NRXN1: variants seen among roughly 807,000 people sequenced by gnomAD.
The protein encoded by NRXN1 is neurexin 1, also known as neurexin-1.
A neutral mutation model predicts 150.9 loss-of-function variants in NRXN1; 39 were observed. The ratio of observed to expected loss-of-function variants is 0.26; its 90% CI spans 0.20 to 0.34. The LOEUF (loss-of-function observed/expected upper bound fraction) is 0.34, where lower values mean the gene tolerates loss of function less well. NRXN1 is among the 10% of genes least tolerant of loss of function. NRXN1 has a pLI of 1.00. For synonymous variants in NRXN1, 924 were observed against 757.0 expected (o/e 1.22, Z -3.62); for missense variants, 1,815 against 1,949.9 (o/e 0.93, Z 1.30).
chr2:51,013,747 T>C (rs1221083158), intron 2 of NRXN1, among the ~76,000 whole-genome samples: 12 of 152,078 alleles, frequency 7.9e-5, no homozygotes, highest in Non-Finnish European at 1.6e-4. Context: ...TTCTCACATT[T>C]ATACTAGAAT....
rs35018952 is a variant in NRXN1 at position 50,447,740 on chromosome 2, TA to T, written c.3364+17701del. Among the ~76,000 whole-genome samples, 528 of 81,130 alleles carry T rather than the reference TA, an allele frequency of 6.5e-3. 94 individuals carry two copies. The highest frequency in any genetic ancestry group is 0.027 in the African/African-American group (457 of 16,904). The allele number at this position is 81,130 out of a possible 152,430, so 53.2% of individuals were successfully genotyped here. A position where few individuals can be genotyped will look rare whatever the true frequency, so the allele number is the denominator to read the frequency against. The stretch of plus-strand genomic sequence containing the variant: ...TCACATAGTAAGCAGGGGAACGTTA[TA>T]TATATATATATATATATATATATAT... On this transcript the variant is annotated intron_variant, in intron 17 of 22. Coordinates refer to ENST00000401669, the MANE Select transcript of NRXN1 (RefSeq NM_001330078.2).
At chr2:50,555,618 T>A (rs1334045200) in intron 8 of NRXN1, among the ~76,000 whole-genome samples, 3 of 152,200 alleles carry the variant, frequency 2.0e-5, no homozygotes, top group Non-Finnish European at 4.4e-5. Flanking sequence ...ACAGAGTAGA[T>A]GCTCAATAAA....
chr2:50,614,660 A>ATAT (rs1559021987), intron 8 of NRXN1, among the ~76,000 whole-genome samples: 3 of 142,600 alleles, frequency 2.1e-5, no homozygotes, highest in African/African-American at 7.7e-5. Context: ...TATATATATA[A>ATAT]AATAAAAAAA....
intron 17 of NRXN1, among the ~76,000 whole-genome samples, chr2:50,458,576 T>C (rs968908520): frequency 2.4e-5 from 3 of 126,422 alleles, no homozygotes; most frequent in African/African-American, 9.7e-5. Flanking sequence ...CTATCATGTA[T>C]TCATAATTTT....
At position 49,918,841 on chromosome 2, in the gene NRXN1, T is replaced by A. The variant is rs186513937; in HGVS notation, c.*3103A>T. ...AGCACGAAATGGTGCCGCATATAAT[T>A]TTTAAAATCAATAAATCACAGTTGT... On this transcript the variant is annotated 3_prime_UTR_variant, in exon 23 of 23. Transcript: ENST00000401669. The A allele has an allele frequency of 5.6e-4, 85 of 152,232 alleles. No homozygotes were observed. Among genetic ancestry groups the A allele is most frequent in the African/African-American group, 2.0e-3 (83 of 41,570 alleles). The allele number at this position is 152,232 out of a possible 1,614,324, so 9.4% of individuals were successfully genotyped here.
At chr2:50,344,153 C>A (rs1242141776) in intron 17 of NRXN1, among the ~76,000 whole-genome samples, 2 of 152,110 alleles carry the variant, frequency 1.3e-5, no homozygotes, top group African/African-American at 4.8e-5. Context: ...TATTAGGTTT[C>A]TCTTTAAGCC....
Position 50,465,525 on chromosome 2 carries a change from T to C in NRXN1, c.3281A>G (p.Asn1094Ser), listed in dbSNP as rs201963074. 28 of 1,610,660 alleles carry C rather than the reference T, an allele frequency of 1.7e-5. No individual in the cohort carries two copies. Among genetic ancestry groups the C allele is most frequent in the African/African-American group, 1.1e-4 (8 of 74,718 alleles). ...STTCQEDSCSNQGVCLQQWDG... is the reference protein window; with the variant it reads ...STTCQEDSCSSQGVCLQQWDG... ...CCATTGTTGCAAGCACACACCTTGA[T>C]TGGAACATGAGTCCTCTTGGCAGGT... Residue 1094 changes from asparagine (N) to serine (S), a missense_variant, in exon 17 of 23, where the codon AAT (asparagine) becomes AGT (serine). Physicochemically the swap from Asn to Ser is conservative, Grantham distance 46 (BLOSUM62 1). Transcript: ENST00000401669.
At chr2:50,804,344 C>CAGT (rs535294594) in intron 5 of NRXN1, among the ~76,000 whole-genome samples, 23 of 152,228 alleles carry the variant, frequency 1.5e-4, no homozygotes, top group African/African-American at 5.5e-4. Flanking sequence ...TGGAAAGAAA[C>CAGT]AGTACCTGAT....
chr2:50,604,591 G>A (rs1676793641), intron 8 of NRXN1, among the ~76,000 whole-genome samples: 1 of 151,878 alleles, frequency 6.6e-6, no homozygotes, highest in African/African-American at 2.4e-5. Flanking sequence ...AACTTTTCCT[G>A]TCTCGACTCT....
intron 8 of NRXN1, among the ~76,000 whole-genome samples, chr2:50,608,629 C>G (rs1242077711): frequency 6.6e-6 from 1 of 152,002 alleles, no homozygotes; most frequent in Non-Finnish European, 1.5e-5. Context: ...TAAATAATAA[C>G]TAAAGGTAAT....
At chr2:50,149,554 C>T (rs976683780) in intron 18 of NRXN1, among the ~76,000 whole-genome samples, 4 of 151,814 alleles carry the variant, frequency 2.6e-5, no homozygotes, top group African/African-American at 7.2e-5. Flanking sequence ...AATTCGAATT[C>T]ATTCTAGTGC....
chr2:50,019,468 C>G (rs999181838), intron 21 of NRXN1, among the ~76,000 whole-genome samples: 2 of 150,052 alleles, frequency 1.3e-5, no homozygotes, highest in Non-Finnish European at 3.0e-5. Context: ...GATGGTGAAA[C>G]CCCGTCTCTA....
At chr2:50,525,810 C>T (rs372598468) in intron 12 of NRXN1, among the ~76,000 whole-genome samples, 2 of 152,096 alleles carry the variant, frequency 1.3e-5, no homozygotes, top group East Asian at 1.9e-4. Flanking sequence ...CTTTTCTTCC[C>T]GGGGGGGAAA....
chr2:50,173,246 C>T (rs2060139151), intron 18 of NRXN1, among the ~76,000 whole-genome samples: 1 of 152,128 alleles, frequency 6.6e-6, no homozygotes, highest in Non-Finnish European at 1.5e-5. Flanking sequence ...AGACAAGATG[C>T]AGACTATAAA....
chr2:50,593,058 G>A (rs868199349), intron 8 of NRXN1, among the ~76,000 whole-genome samples: 1 of 152,206 alleles, frequency 6.6e-6, no homozygotes, highest in Non-Finnish European at 1.5e-5. Context: ...TCACCTTGAT[G>A]CTCTGCTCTC....
Position 50,299,250 on chromosome 2 carries a change from C to T in NRXN1, c.3365-62280G>A, listed in dbSNP as rs1335555189. Among the ~76,000 whole-genome samples the T allele has an allele frequency of 3.3e-5, 5 of 152,198 alleles. No individual in the cohort carries two copies. In the East Asian group the frequency reaches 7.7e-4, roughly 24 times the overall value. ...CAGGAGAACTGAATTTCTATATCAG[C>T]TAGAAATCTGTCATCTGCTATATAT... On this transcript the variant is annotated intron_variant, in intron 17 of 22. Transcript: ENST00000401669.
chr2:51,029,896 T>C (rs1671206198), intron 1 of NRXN1, among the ~76,000 whole-genome samples: 2 of 149,652 alleles, frequency 1.3e-5, no homozygotes, highest in South Asian at 2.1e-4. Flanking sequence ...AGTGTAGATC[T>C]AACTCCTCCT....
intron 17 of NRXN1, among the ~76,000 whole-genome samples, chr2:50,360,863 G>C (rs2079140998): frequency 1.3e-5 from 2 of 152,138 alleles, no homozygotes; most frequent in Admixed American, 6.5e-5. Context: ...ATAATTGGAA[G>C]TAAAACACTC....
At chr2:50,627,412 T>C (rs2104354661) in intron 5 of NRXN1, among the ~76,000 whole-genome samples, 2 of 149,150 alleles carry the variant, frequency 1.3e-5, no homozygotes, top group African/African-American at 4.9e-5. Flanking sequence ...CTAATAATTA[T>C]ATATGAAAAC....
Sources: allele counts gnomAD v4.1 joint callset (sites outside exome capture counted in the v4.1 genomes callset), GRCh38; gene constraint gnomAD v4.1.1; transcripts MANE v1.5; gene names NCBI Gene and HGNC (gene_info 2026-07-23, HGNC 2026-07-21).